The following VAV3 variants were observed in gnomAD, a reference collection of about 807,000 sequenced individuals.
VAV3 encodes guanine nucleotide exchange factor VAV3.
In VAV3, 94 loss-of-function variants were observed where a neutral mutation model predicts 131.2. The ratio of observed to expected loss-of-function variants is 0.72; its 90% CI spans 0.61 to 0.85. The LOEUF is 0.85. Among genes scored for constraint, VAV3 ranks in the 40% least tolerant of loss-of-function variants. The pLI is 0.00. For missense variants in VAV3, 939 were observed against 1,002.7 expected, an observed-to-expected ratio of 0.94 and a Z score of 0.86; for synonymous variants, 349 against 342.0, an observed-to-expected ratio of 1.02 and a Z score of -0.22.
intron 2 of VAV3, among the ~76,000 whole-genome samples, chr1:107,782,681 A>G (rs774788782): frequency 1.6e-4 from 25 of 152,200 alleles, no homozygotes; most frequent in Non-Finnish European, 2.9e-4. Flanking sequence ...GTTTAGCCAA[A>G]GCAAATAAAG....
intron 1 of VAV3, among the ~76,000 whole-genome samples, chr1:107,959,244 G>A: frequency 6.6e-6 from 1 of 151,868 alleles, no homozygotes; most frequent in East Asian, 1.9e-4. Flanking sequence ...CTGGGTGACG[G>A]AGCAAGACTC....
chr1:107,783,660 A>G (rs1392717132), intron 2 of VAV3, among the ~76,000 whole-genome samples: 1 of 152,130 alleles, frequency 6.6e-6, no homozygotes, highest in Admixed American at 6.5e-5. Flanking sequence ...TCTCTGGCCC[A>G]TGGTCTGTGT....
intron 1 of VAV3, chr1:107,964,382 A>C (rs1675308790): frequency 9.1e-6 from 3 of 329,224 alleles, no homozygotes; most frequent in Non-Finnish European, 1.1e-5. Context: ...GAGTAGGTGA[A>C]GGGCACCCTA....
At chr1:107,649,074 A>AAAC (rs2101558487) in intron 19 of VAV3, among the ~76,000 whole-genome samples, 2 of 151,650 alleles carry the variant, frequency 1.3e-5, no homozygotes, top group East Asian at 3.9e-4. Flanking sequence ...AACAAACAAA[A>AAAC]AAAAAGCAAG....
intron 19 of VAV3, among the ~76,000 whole-genome samples, chr1:107,666,018 T>C (rs1657383755): frequency 2.0e-5 from 3 of 152,166 alleles, no homozygotes. Context: ...CAGAAAATGC[T>C]CCCAAGGTCA....
rs115560879 is a variant in VAV3, at chr1:107,852,491, T to C, written c.321+22410A>G. ...TCCAGGCTTACATATATAATCTTAA[T>C]AAAACTGGGGATCATGGTTTACATA... On this transcript the variant is annotated intron_variant, in intron 2 of 26. Transcript: ENST00000370056. 3.7e-3 allele frequency among the ~76,000 whole-genome samples: 565 copies of C among 152,290 alleles called. 1 individual carries two copies. Among genetic ancestry groups the C allele is most frequent in the African/African-American group, 0.013 (532 of 41,580 alleles).
intron 2 of VAV3, among the ~76,000 whole-genome samples, chr1:107,789,720 A>G (rs1666192790): frequency 6.6e-6 from 1 of 152,240 alleles, no homozygotes; most frequent in Admixed American, 6.5e-5. Context: ...TTTAAAAGCC[A>G]TGTTAGAAAA....
intron 2 of VAV3, chr1:107,785,373 A>T: frequency 8.3e-7 from 1 of 1,201,332 alleles, no homozygotes; most frequent in Non-Finnish European, 1.1e-6. Context: ...CTCACCACTT[A>T]ACCCATACCA....
At chr1:107,737,488 A>T (rs1330022721) in intron 15 of VAV3, among the ~76,000 whole-genome samples, 2 of 152,192 alleles carry the variant, frequency 1.3e-5, no homozygotes, top group African/African-American at 2.4e-5. Flanking sequence ...GAATCTACAA[A>T]GAACTCAAAC....
intron 4 of VAV3, among the ~76,000 whole-genome samples, chr1:107,775,456 T>TA (rs1665298880): frequency 6.6e-6 from 1 of 151,596 alleles, no homozygotes; most frequent in Non-Finnish European, 1.5e-5. Flanking sequence ...CAGGCACCTG[T>TA]AATCCCAGCT....
chr1:107,679,015 C>A (rs1658419273), intron 19 of VAV3, among the ~76,000 whole-genome samples: 1 of 151,990 alleles, frequency 6.6e-6, no homozygotes, highest in Admixed American at 6.6e-5. Context: ...AATATAAATT[C>A]TTTGCGGAAA....
chr1:107,596,834 T>C (rs957720029), intron 24 of VAV3, among the ~76,000 whole-genome samples: 21 of 152,224 alleles, frequency 1.4e-4, no homozygotes, highest in Non-Finnish European at 2.6e-4. Flanking sequence ...CAAATGGTAC[T>C]TGAGACTGTT....
intron 2 of VAV3, among the ~76,000 whole-genome samples, chr1:107,824,003 T>C (rs1267646776): frequency 6.6e-6 from 1 of 152,204 alleles, no homozygotes; most frequent in Non-Finnish European, 1.5e-5. Context: ...TGTGGTATTT[T>C]GTTACGGCAG....
chr1:107,904,816 G>A (rs1325306119), intron 1 of VAV3, among the ~76,000 whole-genome samples: 1 of 151,000 alleles, frequency 6.6e-6, no homozygotes, highest in Non-Finnish European at 1.5e-5. Context: ...ACACAATAAT[G>A]AACTTATTAA....
At chr1:107,692,038 C>T (rs11588526) in intron 17 of VAV3, among the ~76,000 whole-genome samples, 44,914 of 151,974 alleles carry the variant, frequency 0.3, 7,475 homozygotes, top group East Asian at 0.45. Flanking sequence ...TCTATTCAGA[C>T]TAAACACATC....
intron 2 of VAV3, among the ~76,000 whole-genome samples, chr1:107,813,829 T>TTCCCACATAA (rs1252954308): frequency 1.3e-5 from 2 of 152,122 alleles, no homozygotes; most frequent in Non-Finnish European, 2.9e-5. Flanking sequence ...AACTTTTTGG[T>TTCCCACATAA]TCCCACATAA....
At chr1:107,690,437 T>G (rs2101779737) in intron 17 of VAV3, among the ~76,000 whole-genome samples, 1 of 152,200 alleles carries the variant, frequency 6.6e-6, no homozygotes, top group South Asian at 2.1e-4. Context: ...TTGTGCAGGG[T>G]TTGGCTGCCA....
At chr1:107,688,011 A>AT (rs1414531430) in intron 18 of VAV3, among the ~76,000 whole-genome samples, 1 of 152,180 alleles carries the variant, frequency 6.6e-6, no homozygotes, top group Non-Finnish European at 1.5e-5. Flanking sequence ...ATTTGCACTA[A>AT]TTCTACGGAA....
chr1:107,757,296 T>C lies in VAV3; in HGVS notation c.1051A>G (p.Lys351Glu). ...TCAAGAGCCAGTTTCAGATTTGCCT[T>C]CTCAGTCGGATCAGTGGTATGTTTG... is the stretch of plus-strand genomic sequence containing the variant. Reference protein sequence around the residue: ...LVKHTTDPTEKANLKLALDAM... With the variant: ...LVKHTTDPTEEANLKLALDAM... The change falls in exon 11 of 27, where the codon AAG becomes GAG. Residue 351 changes from lysine to glutamate, a missense_variant. Lys to Glu is a moderately conservative substitution (Grantham distance 56). Transcript: ENST00000370056. 1 of 1,613,562 alleles carries C rather than the reference T, an allele frequency of 6.2e-7. No individual in the cohort carries two copies. The highest frequency in any genetic ancestry group is 8.5e-7 in the Non-Finnish European group (1 of 1,179,796).
Sources: allele counts gnomAD v4.1 joint callset (sites outside exome capture counted in the v4.1 genomes callset), GRCh38; gene constraint gnomAD v4.1.1; transcripts MANE v1.5; gene names NCBI Gene and HGNC (gene_info 2026-07-23, HGNC 2026-07-21).